The following CAMK2D variants were observed in gnomAD, a reference collection of about 807,000 sequenced individuals.
CAMK2D encodes the protein calcium/calmodulin-dependent protein kinase type II subunit delta.
CAMK2D carries 37 observed loss-of-function variants against 84.0 expected under a neutral mutation model. The ratio of observed to expected loss-of-function variants is 0.44; its 90% CI spans 0.34 to 0.58. The LOEUF is 0.58. Among genes scored for constraint, CAMK2D ranks in the 20% least tolerant of loss-of-function variants. The pLI is 0.02. For synonymous variants in CAMK2D, 202 were observed against 212.5 expected (o/e 0.95, Z 0.43); for missense variants, 448 against 652.5 (o/e 0.69, Z 3.41).
intron 6 of CAMK2D, 55 bp from the exon 7 acceptor site, chr4:113,537,498 T>A: frequency 9.7e-7 from 1 of 1,025,906 alleles, no homozygotes; most frequent in South Asian, 1.3e-5. Context: ...TTTAAGCGAC[T>A]ATTCAAAACT....
intron 2 of CAMK2D, among the ~76,000 whole-genome samples, chr4:113,699,729 T>G (rs2099412592): frequency 6.6e-6 from 1 of 152,226 alleles, no homozygotes; most frequent in African/African-American, 2.4e-5. Flanking sequence ...TAAATTGTTC[T>G]AATGCAAACT....
At chr4:113,669,024 T>C (rs2099269036) in intron 2 of CAMK2D, among the ~76,000 whole-genome samples, 1 of 152,178 alleles carries the variant, frequency 6.6e-6, no homozygotes, top group Non-Finnish European at 1.5e-5. Flanking sequence ...ATTCTTATGT[T>C]GTCCTACAGA....
At chr4:113,638,839 T>G (rs541460147) in intron 3 of CAMK2D, among the ~76,000 whole-genome samples, 1 of 152,176 alleles carries the variant, frequency 6.6e-6, no homozygotes, top group Non-Finnish European at 1.5e-5. Flanking sequence ...AGGTGGAATT[T>G]CTCATGTGAA....
chr4:113,710,457 T>C (rs752464288), intron 2 of CAMK2D, among the ~76,000 whole-genome samples: 5 of 152,132 alleles, frequency 3.3e-5, no homozygotes, highest in African/African-American at 4.8e-5. Context: ...ATAAACTACC[T>C]TGCTCTTTGG....
At chr4:113,742,074 T>C (rs1434790318) in intron 2 of CAMK2D, among the ~76,000 whole-genome samples, 2 of 152,196 alleles carry the variant, frequency 1.3e-5, no homozygotes, top group Non-Finnish European at 1.5e-5. Context: ...TTCCCATGTC[T>C]CTCATCTTAA....
At chr4:113,705,171 A>T (rs1343281067) in intron 2 of CAMK2D, among the ~76,000 whole-genome samples, 1 of 151,206 alleles carries the variant, frequency 6.6e-6, no homozygotes, top group African/African-American at 2.4e-5. Context: ...CAAAAAAAAA[A>T]AAAAAATTAG....
In CAMK2D at chr4:113,469,784, T is replaced by G. The variant is rs150346857; in HGVS notation, c.1136-4180A>C. On this transcript the variant is annotated intron_variant, in intron 16 of 20. Coordinates refer to ENST00000511664, the MANE Select transcript of CAMK2D (RefSeq NM_001321571.2). ...CAGTTGCATAAGCCAGAAAGAAACC[T>G]GAGGATCATATTTGACTCCCTAAAT... is the stretch of plus-strand genomic sequence containing the variant. Among the ~76,000 whole-genome samples the G allele has an allele frequency of 3.7e-3, 558 of 152,308 alleles. 5 individuals carry two copies. Among genetic ancestry groups the G allele is most frequent in the African/African-American group, 0.013 (538 of 41,558 alleles).
At chr4:113,603,370 TC>T (rs1335467837) in intron 4 of CAMK2D, among the ~76,000 whole-genome samples, 45 of 28,626 alleles carry the variant, frequency 1.6e-3, no homozygotes, top group African/African-American at 6.3e-3. Context: ...CCCTCCCCCC[TC>T]CCCCCACCCC....
intron 4 of CAMK2D, among the ~76,000 whole-genome samples, chr4:113,589,641 G>A (rs13120754): frequency 6.6e-6 from 1 of 152,124 alleles, no homozygotes. Flanking sequence ...TTTGACCTTA[G>A]AGAGATGAGG....
chr4:113,525,339 C>T (rs1351692100), intron 8 of CAMK2D, among the ~76,000 whole-genome samples: 1 of 151,976 alleles, frequency 6.6e-6, no homozygotes, highest in Non-Finnish European at 1.5e-5. Flanking sequence ...ATTTTTAGGC[C>T]AAATTGTAGA....
At chr4:113,465,176 G>A (rs1221524653) in intron 17 of CAMK2D, among the ~76,000 whole-genome samples, 3 of 152,118 alleles carry the variant, frequency 2.0e-5, no homozygotes, top group Non-Finnish European at 4.4e-5. Flanking sequence ...GGGACTACAG[G>A]TGTGCACCAC....
intron 3 of CAMK2D, among the ~76,000 whole-genome samples, chr4:113,660,913 A>C (rs1303771270): frequency 6.6e-6 from 1 of 150,598 alleles, no homozygotes; most frequent in Non-Finnish European, 1.5e-5. Flanking sequence ...CTCTGGCCTC[A>C]GCCTCCCGAG....
At chr4:113,668,331 GA>G (rs1278016860) in intron 2 of CAMK2D, among the ~76,000 whole-genome samples, 2 of 152,154 alleles carry the variant, frequency 1.3e-5, no homozygotes, top group African/African-American at 4.8e-5. Flanking sequence ...GAGTGAAGCA[GA>G]CAAGAATTGC....
intron 17 of CAMK2D, among the ~76,000 whole-genome samples, chr4:113,464,169 C>G (rs1209792548): frequency 6.6e-6 from 1 of 152,186 alleles, no homozygotes; most frequent in East Asian, 1.9e-4. Flanking sequence ...ATTTACATCT[C>G]TGCTGACTTT....
chr4:113,469,493 CCTT>C (rs1358535937), intron 16 of CAMK2D, among the ~76,000 whole-genome samples: 1 of 152,178 alleles, frequency 6.6e-6, no homozygotes, highest in Non-Finnish European at 1.5e-5. Flanking sequence ...GAGTCCCTCT[CCTT>C]ATCTCATGCT....
intron 8 of CAMK2D, among the ~76,000 whole-genome samples, chr4:113,520,214 T>C (rs960052906): frequency 1.8e-4 from 27 of 152,058 alleles, no homozygotes; most frequent in Admixed American, 1.7e-3. Context: ...ACGACCAGCC[T>C]GGCCAACATG....
intron 16 of CAMK2D, among the ~76,000 whole-genome samples, chr4:113,469,702 A>G (rs1292855845): frequency 1.3e-5 from 2 of 152,118 alleles, no homozygotes; most frequent in Non-Finnish European, 2.9e-5. Flanking sequence ...TTCCACCACT[A>G]CAAGCCTGCT....
chr4:113,601,565 A>G (rs1253605402), intron 4 of CAMK2D, among the ~76,000 whole-genome samples: 2 of 151,684 alleles, frequency 1.3e-5, no homozygotes, highest in Non-Finnish European at 2.9e-5. Context: ...AATAGCCCAG[A>G]TGTTTTGATT....
At chr4:113,642,616 A>G (rs2099136690) in intron 3 of CAMK2D, among the ~76,000 whole-genome samples, 1 of 152,256 alleles carries the variant, frequency 6.6e-6, no homozygotes, top group South Asian at 2.1e-4. Context: ...GGGCAACAAT[A>G]GCCATCTAGG....
Sources: allele counts gnomAD v4.1 joint callset (sites outside exome capture counted in the v4.1 genomes callset), GRCh38; gene constraint gnomAD v4.1.1; transcripts MANE v1.5; gene names NCBI Gene and HGNC (gene_info 2026-07-23, HGNC 2026-07-21).